CTNND2: variants seen among roughly 807,000 people sequenced by gnomAD.
The protein encoded by CTNND2 is catenin delta 2, also known as catenin delta-2.
A neutral mutation model predicts 144.4 loss-of-function variants in CTNND2; 22 were observed. The ratio of observed to expected loss-of-function variants is 0.15; its 90% CI spans 0.11 to 0.22. The LOEUF (loss-of-function observed/expected upper bound fraction) is 0.22. Among genes scored for constraint, CTNND2 ranks in the 10% least tolerant of loss-of-function variants. CTNND2 has a pLI of 1.00. For synonymous variants in CTNND2, 751 were observed against 695.6 expected (o/e 1.08, Z -1.25); for missense variants, 1,353 against 1,618.8 (o/e 0.84, Z 2.82).
intron 14 of CTNND2, among the ~76,000 whole-genome samples, chr5:11,099,952 T>C (rs547636427): frequency 3.7e-4 from 57 of 152,216 alleles, no homozygotes; most frequent in Non-Finnish European, 6.9e-4. Flanking sequence ...CTAAATGTAC[T>C]TACAGATATT....
chr5:10,993,200 T>C (rs1484058930), intron 18 of CTNND2, among the ~76,000 whole-genome samples: 4 of 152,150 alleles, frequency 2.6e-5, no homozygotes, highest in Non-Finnish European at 5.9e-5. Context: ...TCCAAGCTGG[T>C]CTGCTCCAGG....
intron 12 of CTNND2, among the ~76,000 whole-genome samples, chr5:11,123,925 C>A (rs937325486): frequency 6.6e-6 from 1 of 152,196 alleles, no homozygotes; most frequent in Non-Finnish European, 1.5e-5. Flanking sequence ...CCATGGCCCC[C>A]ACACACACCA....
intron 16 of CTNND2, among the ~76,000 whole-genome samples, chr5:11,071,431 C>A (rs1307537916): frequency 6.6e-6 from 1 of 151,992 alleles, no homozygotes; most frequent in Non-Finnish European, 1.5e-5. Context: ...TCCCAGATAC[C>A]CAGGTGCCCG....
chr5:11,405,924 G>A (rs1561345663), intron 5 of CTNND2, among the ~76,000 whole-genome samples: 2 of 152,064 alleles, frequency 1.3e-5, no homozygotes, highest in South Asian at 2.1e-4. Context: ...CAAGGTGGGC[G>A]GATCACTGGA....
intron 1 of CTNND2, among the ~76,000 whole-genome samples, chr5:11,733,856 C>T (rs1274725238): frequency 3.3e-5 from 5 of 152,152 alleles, no homozygotes; most frequent in East Asian, 1.9e-4. Flanking sequence ...CCATCTTTCC[C>T]GCACAAACAA....
intron 12 of CTNND2, 55 bp downstream of exon 12, chr5:11,159,521 C>T: frequency 7.1e-7 from 1 of 1,406,062 alleles, no homozygotes; most frequent in Non-Finnish European, 9.7e-7. Flanking sequence ...TGGAAAGAGA[C>T]AGTGTCTGGC....
intron 10 of CTNND2, among the ~76,000 whole-genome samples, chr5:11,215,597 C>T (rs375756388): frequency 4.2e-4 from 64 of 152,228 alleles, no homozygotes; most frequent in African/African-American, 7.5e-4. Flanking sequence ...CAGATAAAGT[C>T]GGAACAATAA....
chr5:11,177,892 G>A (rs770529209), intron 11 of CTNND2, among the ~76,000 whole-genome samples: 18 of 152,146 alleles, frequency 1.2e-4, no homozygotes, highest in Admixed American at 4.6e-4. Context: ...CAATTCCATC[G>A]CAAGAAAACA....
chr5:11,300,831 C>A (rs1749522891), intron 9 of CTNND2, among the ~76,000 whole-genome samples: 1 of 152,144 alleles, frequency 6.6e-6, no homozygotes, highest in Non-Finnish European at 1.5e-5. Context: ...CTCAAGGGTG[C>A]CGCCTTTTGG....
intron 2 of CTNND2, among the ~76,000 whole-genome samples, chr5:11,690,661 G>A (rs771675329): frequency 4.3e-4 from 64 of 148,798 alleles, no homozygotes; most frequent in Admixed American, 1.4e-3. Context: ...GCGTGAACCC[G>A]GGAAGTGGAG....
intron 9 of CTNND2, among the ~76,000 whole-genome samples, chr5:11,271,928 T>C (rs1452377539): frequency 6.6e-6 from 1 of 152,144 alleles, no homozygotes; most frequent in Non-Finnish European, 1.5e-5. Context: ...ATTCCCAAAC[T>C]GTTTTGGGAA....
chr5:11,151,210 G>A (rs1178697064), intron 12 of CTNND2, among the ~76,000 whole-genome samples: 2 of 152,232 alleles, frequency 1.3e-5, no homozygotes, highest in South Asian at 2.1e-4. Flanking sequence ...GGCTGGGTAC[G>A]TAAGCAGTAC....
chr5:11,672,408 T>C (rs1783920649), intron 2 of CTNND2, among the ~76,000 whole-genome samples: 1 of 152,196 alleles, frequency 6.6e-6, no homozygotes, highest in African/African-American at 2.4e-5. Context: ...AGGTGATCCG[T>C]CCCAGGGAGA....
At chr5:11,409,930 T>A (rs1314512110) in intron 5 of CTNND2, among the ~76,000 whole-genome samples, 1 of 152,106 alleles carries the variant, frequency 6.6e-6, no homozygotes, top group Non-Finnish European at 1.5e-5. Context: ...GTTTACTTTT[T>A]ATTTAACTCA....
intron 9 of CTNND2, among the ~76,000 whole-genome samples, chr5:11,277,512 T>G (rs32097): frequency 0.13 from 12,462 of 93,298 alleles, 560 homozygotes; most frequent in Admixed American, 0.18. Flanking sequence ...ATTTATTTAT[T>G]TATTTATTTA....
intron 2 of CTNND2, among the ~76,000 whole-genome samples, chr5:11,628,941 G>C (rs935042707): frequency 6.6e-6 from 1 of 152,126 alleles, no homozygotes; most frequent in Non-Finnish European, 1.5e-5. Context: ...TTAGCAATTA[G>C]AAATGTCTAA....
rs546308351 is a variant in CTNND2, at chr5:11,313,379, T to G, written c.1628+32993A>C. ...AAGGCTCAGTGACAAGCTTTGCACT[T>G]TCTCTGACTTCCAGTCCCGAGATCC... On this transcript the variant is annotated intron_variant, in intron 9 of 21. Coordinates refer to ENST00000304623, the MANE Select transcript of CTNND2 (RefSeq NM_001332.4). 9.3e-4 allele frequency among the ~76,000 whole-genome samples: 142 copies of G among 152,274 alleles called. 1 individual carries two copies. Among genetic ancestry groups the G allele is most frequent in the African/African-American group, 3.3e-3 (137 of 41,554 alleles).
intron 1 of CTNND2, among the ~76,000 whole-genome samples, chr5:11,827,613 A>T (rs1793668673): frequency 6.6e-6 from 1 of 152,220 alleles, no homozygotes; most frequent in African/African-American, 2.4e-5. Flanking sequence ...CATCACTACA[A>T]GAACTAAAGA....
intron 7 of CTNND2, among the ~76,000 whole-genome samples, chr5:11,377,727 G>A (rs1006191364): frequency 6.6e-6 from 1 of 152,052 alleles, no homozygotes; most frequent in Non-Finnish European, 1.5e-5. Flanking sequence ...AGACATTTTG[G>A]GCCACCTCGC....
Sources: gnomAD v4.1 joint callset for allele counts (sites outside exome capture counted in the v4.1 genomes callset) on GRCh38, gnomAD v4.1.1 for gene constraint, MANE v1.5 for transcripts, NCBI Gene and HGNC (gene_info 2026-07-23, HGNC 2026-07-21) for gene names.